The following GLE1 variants were observed in gnomAD, a reference collection of about 807,000 sequenced individuals.
GLE1 encodes GLE1 RNA export mediator, also known as mRNA export factor GLE1.
In GLE1, 78 loss-of-function variants were observed where a neutral mutation model predicts 97.3. The ratio of observed to expected loss-of-function variants is 0.80; its 90% CI spans 0.67 to 0.97. The LOEUF (loss-of-function observed/expected upper bound fraction) is 0.97, where lower values mean the gene tolerates loss of function less well. GLE1 is among the 50% of genes least tolerant of loss of function. The pLI is 0.00. For synonymous variants in GLE1, 302 were observed against 313.4 expected, an observed-to-expected ratio of 0.96 and a Z score of 0.39; for missense variants, 753 against 857.5, an observed-to-expected ratio of 0.88 and a Z score of 1.52.
At chr9:128,528,219 T>G (rs1847365993) in intron 9 of GLE1, among the ~76,000 whole-genome samples, 1 of 151,816 alleles carries the variant, frequency 6.6e-6, no homozygotes, top group African/African-American at 2.4e-5. Context: ...TTAGCCAGGA[T>G]GTTCTTAATC....
intron 3 of GLE1, among the ~76,000 whole-genome samples, chr9:128,517,800 T>A (rs555909649): frequency 6.6e-6 from 1 of 152,172 alleles, no homozygotes; most frequent in Non-Finnish European, 1.5e-5. Flanking sequence ...TTTCATGAGT[T>A]TTTTTGTATT....
intron 13 of GLE1, among the ~76,000 whole-genome samples, chr9:128,538,788 T>G (rs1847801356): frequency 1.3e-5 from 2 of 152,130 alleles, no homozygotes; most frequent in East Asian, 1.9e-4. Flanking sequence ...CTCAAACTCT[T>G]GGGCTCAAGC....
At position 128,522,758 on chromosome 9, in the gene GLE1, T is replaced by C; in HGVS notation, c.523T>C (p.Trp175Arg). Residue 175 changes from tryptophan to arginine, a missense_variant, in exon 4 of 16, where the codon TGG (tryptophan) becomes CGG (arginine). Trp to Arg is a moderately radical substitution (Grantham distance 101). Coordinates refer to ENST00000309971, the MANE Select transcript of GLE1 (RefSeq NM_001003722.2). ...ASEQLKRFDEWKELKQHKEFQ... is the reference protein window; with the variant it reads ...ASEQLKRFDERKELKQHKEFQ... Reference sequence around the variant, plus strand: ...TGAACAACTGAAGCGGTTTGATGAATGGAAGGAACTGAAGCAGCATAAAGA... The same window carrying C: ...TGAACAACTGAAGCGGTTTGATGAACGGAAGGAACTGAAGCAGCATAAAGA... The C allele has an allele frequency of 6.2e-7, 1 of 1,611,708 alleles. No individual in the cohort carries two copies. The highest frequency in any genetic ancestry group is 8.5e-7 in the Non-Finnish European group (1 of 1,179,670).
intron 2 of GLE1, among the ~76,000 whole-genome samples, chr9:128,512,927 G>T (rs539180545): frequency 6.6e-6 from 1 of 152,176 alleles, no homozygotes; most frequent in African/African-American, 2.4e-5. Context: ...GGGATTACAG[G>T]CATGAGCCAC....
chr9:128,522,654 A>G lies in GLE1; in HGVS notation c.433-14A>G, dbSNP rs937024001. 6.2e-7 allele frequency: 1 copy of G among 1,602,204 alleles called. No homozygotes were observed. The highest frequency in any genetic ancestry group is 8.5e-7 in the Non-Finnish European group (1 of 1,175,810). ...CCATCTTAAAAAAAAAAAAAAAAAA[A>G]AAAACCTTTTCAGGAGGGCCTGAGG... On this transcript the variant is annotated splice_polypyrimidine_tract_variant and intron_variant, in intron 3 of 15. Coordinates refer to ENST00000309971, the MANE Select transcript of GLE1 (RefSeq NM_001003722.2).
At chr9:128,525,769 TA>T (rs922986498) in intron 7 of GLE1, among the ~76,000 whole-genome samples, 1 of 151,828 alleles carries the variant, frequency 6.6e-6, no homozygotes, top group African/African-American at 2.4e-5. Flanking sequence ...CTACCAAAAA[TA>T]AAAAAATTAG....
In GLE1 at chr9:128,538,313, C is replaced by T. The variant is rs76256430; in HGVS notation, c.1881+223C>T. ...TCTGGATTTTTTTCATTATAAAGAA[C>T]AGAAAATTGTACATTCTAGCAAAAG... On this transcript the variant is annotated intron_variant, in intron 13 of 15. Coordinates refer to ENST00000309971, the MANE Select transcript of GLE1 (RefSeq NM_001003722.2). Among the ~76,000 whole-genome samples, 1,478 of 152,210 alleles carry T rather than the reference C, an allele frequency of 9.7e-3. 32 individuals carry two copies. The highest frequency in any genetic ancestry group is 0.073 in the East Asian group (380 of 5,184).
At chr9:128,523,061 C>G (rs984956260) in intron 4 of GLE1, among the ~76,000 whole-genome samples, 1 of 152,006 alleles carries the variant, frequency 6.6e-6, no homozygotes, top group Non-Finnish European at 1.5e-5. Context: ...CAGCTGTAGT[C>G]TCAATTACTA....
intron 15 of GLE1, chr9:128,540,607 A>AT (rs973515257): frequency 1.7e-4 from 77 of 447,928 alleles, no homozygotes; most frequent in South Asian, 1.2e-3. Flanking sequence ...ATTAATATAT[A>AT]TTTTTTTTGC....
rs767632949 is a variant in GLE1 at position 128,538,009 on chromosome 9, T to C, written c.1800T>C (p.His600=). ...RQEIHPHGLN[H]GWRWLAQILN... ...AGATTCACCCTCATGGCTTAAATCA[T>C]GGATGGCGCTGGTTGGCACAGATCT... The change falls in exon 13 of 16, where the codon CAT becomes CAC. Residue 600 remains histidine, a synonymous_variant. Transcript: ENST00000309971. The C allele has an allele frequency of 1.2e-6, 2 of 1,610,704 alleles. No individual in the cohort carries two copies. Among genetic ancestry groups the C allele is most frequent in the East Asian group, 4.5e-5 (2 of 44,868 alleles).
At chr9:128,509,129 A>G (rs777613862) in intron 2 of GLE1, 32 bp downstream of exon 2, 5 of 1,275,472 alleles carry the variant, frequency 3.9e-6, no homozygotes, top group Non-Finnish European at 2.3e-6. Context: ...GACAAAAGAC[A>G]TGGTGGCTGC....
rs201860812 is a variant in GLE1 at position 128,541,139 on chromosome 9, G to C, written c.2066G>C (p.Gly689Ala). The change falls in exon 16 of 16, where the codon GGC becomes GCC. Residue 689 changes from glycine (G) to alanine (A), a missense_variant. Physicochemically the swap from Gly to Ala is moderately conservative, Grantham distance 60 (BLOSUM62 0). Transcript: ENST00000309971. The part of the protein sequence containing the change: ...LQHKDIPVPK[G>A]FLTSSFWRS ...CACAAGGACATTCCTGTCCCCAAGG[G>C]CTTTCTGACTTCCTCCTTCTGGCGC... 1.1e-5 allele frequency: 17 copies of C among 1,593,684 alleles called. No individual in the cohort carries two copies. The highest frequency in any genetic ancestry group is 1.3e-5 in the African/African-American group (1 of 74,520).
chr9:128,509,570 C>T (rs990367183), intron 2 of GLE1, among the ~76,000 whole-genome samples: 3 of 151,108 alleles, frequency 2.0e-5, no homozygotes, highest in African/African-American at 7.3e-5. Context: ...CATTTCCTCT[C>T]AGAAGACCCC....
rs774933514 is a variant in GLE1 at position 128,540,286 on chromosome 9, T to TC, written c.1977dup (p.Thr660HisfsTer87). 41 of 1,606,630 alleles carry TC rather than the reference T, an allele frequency of 2.6e-5. No homozygotes were observed. Among genetic ancestry groups the TC allele is most frequent in the Non-Finnish European group, 3.4e-5 (40 of 1,173,384 alleles). On this transcript the variant is annotated frameshift_variant, in exon 15 of 16. Transcript: ENST00000309971. LOFTEE classifies it high-confidence loss of function. ...TTCTCTCCCTGTAGAATTGAAGCTA[T>TC]CACAAGCTCAGGACAGATGGGCTCC... is the stretch of plus-strand genomic sequence containing the variant.
At chr9:128,519,539 C>T (rs956633900) in intron 3 of GLE1, among the ~76,000 whole-genome samples, 3 of 152,106 alleles carry the variant, frequency 2.0e-5, no homozygotes, top group Admixed American at 1.3e-4. Context: ...AAATTCCTGC[C>T]TAATAAATTT....
intron 1 of GLE1, among the ~76,000 whole-genome samples, chr9:128,507,154 T>G (rs1846662752): frequency 6.6e-6 from 1 of 152,220 alleles, no homozygotes; most frequent in African/African-American, 2.4e-5. Context: ...ATGCTCATTA[T>G]TACTACTAAG....
intron 3 of GLE1, among the ~76,000 whole-genome samples, chr9:128,520,161 A>C (rs1030257853): frequency 9.9e-5 from 15 of 152,032 alleles, no homozygotes; most frequent in African/African-American, 3.6e-4. Context: ...GAGGCAGGAG[A>C]ATCGCTTGAA....
intron 11 of GLE1, among the ~76,000 whole-genome samples, chr9:128,535,283 C>A (rs567943343): frequency 4.8e-5 from 7 of 145,494 alleles, no homozygotes; most frequent in African/African-American, 1.8e-4. Flanking sequence ...AAGCCAAGGC[C>A]GCCAAAGCGG....
intron 6 of GLE1, 91 bp downstream of exon 6, chr9:128,523,937 C>A: frequency 1.6e-6 from 2 of 1,227,026 alleles, no homozygotes; most frequent in Non-Finnish European, 2.4e-6. Flanking sequence ...GTAATACCTG[C>A]TATCTGCTTA....
Sources: gnomAD v4.1 joint callset for allele counts (sites outside exome capture counted in the v4.1 genomes callset) on GRCh38, gnomAD v4.1.1 for gene constraint, MANE v1.5 for transcripts, NCBI Gene and HGNC (gene_info 2026-07-23, HGNC 2026-07-21) for gene names.